Variants in SLCO1A2 observed in about 807,000 individuals in gnomAD.
The protein encoded by SLCO1A2 is solute carrier organic anion transporter family member 1A2, also known as OATP-1.
A neutral mutation model predicts 69.0 loss-of-function variants in SLCO1A2; 67 were observed. The ratio of observed to expected loss-of-function variants is 0.97; its 90% CI spans 0.80 to 1.19. The LOEUF is 1.19. SLCO1A2 is among the 50% of genes most tolerant of loss of function. The pLI is 0.00. For missense variants in SLCO1A2, 787 were observed against 793.7 expected (o/e 0.99, Z 0.10); for synonymous variants, 260 against 265.9 (o/e 0.98, Z 0.22).
chr12:21,330,088 T>C (rs1591851809), intron 2 of SLCO1A2, among the ~76,000 whole-genome samples: 1 of 152,228 alleles, frequency 6.6e-6, no homozygotes, highest in East Asian at 1.9e-4. Flanking sequence ...GAAATATTAC[T>C]TCTACATGAC....
At chr12:21,335,338 C>T (rs559567124), upstream of SLCO1A2, among the ~76,000 whole-genome samples, 4 of 151,654 alleles carry the variant, frequency 2.6e-5, no homozygotes, top group African/African-American at 9.7e-5. Flanking sequence ...AGATGTAAGA[C>T]TTAGGAGATT....
chr12:21,304,393 C>A (rs1432869118), intron 6 of SLCO1A2, 34 bp downstream of exon 6: 1 of 1,552,260 alleles, frequency 6.4e-7, no homozygotes, highest in Non-Finnish European at 8.9e-7. Flanking sequence ...ACATATTGCC[C>A]TGAAAAGAAG....
chr12:21,380,870 C>T (rs1023417034), intron 1 of SLCO1A2, among the ~76,000 whole-genome samples: 3 of 134,868 alleles, frequency 2.2e-5, no homozygotes, highest in East Asian at 2.1e-4. Flanking sequence ...CCAACCCACA[C>T]CCCCATGCCC....
At chr12:21,270,528 T>C (rs1180419652) in intron 14 of SLCO1A2, among the ~76,000 whole-genome samples, 3 of 151,734 alleles carry the variant, frequency 2.0e-5, no homozygotes, top group Non-Finnish European at 4.4e-5. Context: ...ATTTTCCCTT[T>C]TTCTGTTTCT....
At chr12:21,323,155 G>A (rs74651308) in intron 2 of SLCO1A2, among the ~76,000 whole-genome samples, 5,941 of 152,252 alleles carry the variant, frequency 0.039, 179 homozygotes, top group Non-Finnish European at 0.056. Flanking sequence ...TTACAAAACT[G>A]ACTTATCTTT....
rs572998834 is a variant in SLCO1A2, at chr12:21,281,445, G to A, written c.1611-6021C>T. Among the ~76,000 whole-genome samples, 89 of 149,518 alleles carry A rather than the reference G, an allele frequency of 6.0e-4. 1 individual carries two copies. The highest frequency in any genetic ancestry group is 1.7e-3 in the African/African-American group (68 of 40,614). On this transcript the variant is annotated intron_variant, in intron 12 of 14. Coordinates refer to ENST00000683939, the MANE Select transcript of SLCO1A2 (RefSeq NM_001386879.1). ...AACTTGAGCGACAGAGTGAGACTCCGTCTCAAAAAAAAAAGAAAAGAAAAA... is the reference window on the plus strand; with the variant it reads ...AACTTGAGCGACAGAGTGAGACTCCATCTCAAAAAAAAAAGAAAAGAAAAA...
intron 4 of SLCO1A2, among the ~76,000 whole-genome samples, chr12:21,309,897 C>T (rs1466912917): frequency 6.6e-6 from 1 of 152,082 alleles, no homozygotes; most frequent in Non-Finnish European, 1.5e-5. Context: ...TGAGGAATCT[C>T]CAAGACAAAA....
rs12317843 is a variant in SLCO1A2, at chr12:21,268,409, T to C, written c.*1139A>G. On this transcript the variant is annotated 3_prime_UTR_variant, in exon 15 of 15. Coordinates refer to ENST00000683939, the MANE Select transcript of SLCO1A2 (RefSeq NM_001386879.1). ...CCATTAGGGATTTATGTCATTCTTA[T>C]ATATTGACTGTCATTTCAACAGGAA... 29,627 of 152,042 alleles carry C rather than the reference T, an allele frequency of 0.19. 3,747 individuals carry two copies. The highest frequency in any genetic ancestry group is 0.36 in the African/African-American group (15,014 of 41,444). 9.4% of individuals were successfully genotyped at this position (152,042 alleles called of 1,614,324 possible).
upstream of SLCO1A2, among the ~76,000 whole-genome samples, chr12:21,336,183 T>C (rs900333740): frequency 6.6e-6 from 1 of 152,026 alleles, no homozygotes; most frequent in African/African-American, 2.4e-5. Flanking sequence ...TAGCCCAATA[T>C]AGTCACCGTA....
intron 10 of SLCO1A2, chr12:21,295,385 C>T (rs1478395062): frequency 6.2e-6 from 3 of 485,068 alleles, no homozygotes; most frequent in Non-Finnish European, 1.1e-5. Flanking sequence ...ATCATAAATT[C>T]ACTCACCCTG....
intron 12 of SLCO1A2, among the ~76,000 whole-genome samples, chr12:21,281,066 A>G (rs1326291783): frequency 6.6e-6 from 1 of 152,166 alleles, no homozygotes; most frequent in East Asian, 1.9e-4. Flanking sequence ...AACACAACAT[A>G]CCAAAACTCA....
intron 2 of SLCO1A2, among the ~76,000 whole-genome samples, chr12:21,358,549 T>A (rs538571946): frequency 2.0e-5 from 3 of 152,294 alleles, no homozygotes; most frequent in South Asian, 4.1e-4. Flanking sequence ...TTTTATTGTA[T>A]GCAAATATTG....
intron 9 of SLCO1A2, among the ~76,000 whole-genome samples, chr12:21,296,977 C>T (rs1309492576): frequency 6.6e-6 from 1 of 151,998 alleles, no homozygotes. Context: ...GCAGAGACAC[C>T]TAAAACCACT....
At chr12:21,372,097 A>C (rs1201822324) in intron 2 of SLCO1A2, among the ~76,000 whole-genome samples, 1 of 152,232 alleles carries the variant, frequency 6.6e-6, no homozygotes, top group East Asian at 1.9e-4. Context: ...ATTTTAAAAG[A>C]CAAACTACAA....
chr12:21,354,752 A>G lies in SLCO1A2; in HGVS notation c.-63+19647T>C, dbSNP rs142180868. ...TTATCTTTATCATGTAACACTCATA[A>G]CAACCTTTCTTTCTTTGAATTTTTT... On this transcript the variant is annotated intron_variant, in intron 2 of 15. Coordinates refer to the SLCO1A2 transcript ENST00000307378. Among the ~76,000 whole-genome samples the G allele has an allele frequency of 3.2e-3, 483 of 152,250 alleles. 3 individuals carry two copies. The highest frequency in any genetic ancestry group is 6.0e-3 in the Non-Finnish European group (410 of 68,026).
chr12:21,355,367 T>C (rs1223058606), intron 2 of SLCO1A2, among the ~76,000 whole-genome samples: 1 of 152,162 alleles, frequency 6.6e-6, no homozygotes, highest in Non-Finnish European at 1.5e-5. Context: ...CATATTTTTA[T>C]GGCTAAGCTC....
chr12:21,270,049 T>A (rs752039634), intron 14 of SLCO1A2, among the ~76,000 whole-genome samples: 1 of 151,816 alleles, frequency 6.6e-6, no homozygotes, highest in Admixed American at 6.6e-5. Flanking sequence ...TTGAGTAGGA[T>A]CTTCACCTCA....
rs1438797207 is a variant in SLCO1A2 at position 21,334,862 on chromosome 12, G to A, written c.-98C>T. 1 of 431,398 alleles carries A rather than the reference G, an allele frequency of 2.3e-6. No homozygotes were observed. The highest frequency in any genetic ancestry group is 3.8e-5 in the East Asian group (1 of 26,202). 26.7% of individuals were successfully genotyped at this position (431,398 alleles called of 1,614,324 possible). A position where few individuals can be genotyped will look rare whatever the true frequency, so the allele number is the denominator to read the frequency against. ...TTAATACAGATTAGAAAATCATGGT[G>A]TTAGAGAAGATTTAGTTGTTGGTTT... On this transcript the variant is annotated 5_prime_UTR_variant, in exon 1 of 15. Coordinates refer to ENST00000683939, the MANE Select transcript of SLCO1A2 (RefSeq NM_001386879.1).
At chr12:21,412,104 G>A (rs140367873) in intron 1 of SLCO1A2, among the ~76,000 whole-genome samples, 176 of 152,276 alleles carry the variant, frequency 1.2e-3, no homozygotes, top group African/African-American at 4.2e-3. Context: ...ATGAAGACTG[G>A]GCGCGGTGGC....
Sources: gnomAD v4.1 joint callset for allele counts (sites outside exome capture counted in the v4.1 genomes callset) on GRCh38, gnomAD v4.1.1 for gene constraint, MANE v1.5 for transcripts, NCBI Gene and HGNC (gene_info 2026-07-23, HGNC 2026-07-21) for gene names.